GLRA2: variants seen among roughly 807,000 people sequenced by gnomAD.
The protein encoded by GLRA2 is glycine receptor alpha 2.
In GLRA2, 11 loss-of-function variants were observed where a neutral mutation model predicts 31.6. The observed-to-expected ratio is 0.35, with a 90% CI of 0.22 to 0.58. The LOEUF (loss-of-function observed/expected upper bound fraction) is 0.58. Ranked by LOEUF, GLRA2 falls within the 20% of genes least tolerant of loss-of-function variation. GLRA2 has a pLI of 0.84. For synonymous variants in GLRA2, 132 were observed against 134.0 expected (o/e 0.99, Z 0.10); for missense variants, 212 against 351.8 (o/e 0.60, Z 3.18).
At chrX:14,472,449 A>G in the GLRA2 span, among the ~76,000 whole-genome samples, 1 of 111,117 alleles carries the variant, frequency 9.0e-6, no homozygotes, top group Non-Finnish European at 1.9e-5. Flanking sequence ...GGTTGGCTGC[A>G]CATATCATCC....
intron 7 of GLRA2, among the ~76,000 whole-genome samples, chrX:14,616,745 A>G (rs2090458369): frequency 8.9e-6 from 1 of 112,115 alleles, no homozygotes; most frequent in Non-Finnish European, 1.9e-5. Context: ...AATTTAAACG[A>G]CTTTCCCAGT....
At chrX:14,718,946 T>G (rs2091828333) in intron 8 of GLRA2, among the ~76,000 whole-genome samples, 1 of 111,697 alleles carries the variant, frequency 9.0e-6, no homozygotes, top group Admixed American at 9.5e-5. Flanking sequence ...TAACTCTCAG[T>G]AGGAAGAGCT....
At chrX:14,726,976 C>T (rs569045662) in intron 8 of GLRA2, among the ~76,000 whole-genome samples, 3 of 110,749 alleles carry the variant, frequency 2.7e-5, no homozygotes, top group African/African-American at 1.0e-4. Context: ...TCTGCAGATA[C>T]GCAAAGGAAA....
chrX:14,478,094 G>C, the GLRA2 span, among the ~76,000 whole-genome samples: 1 of 111,029 alleles, frequency 9.0e-6, no homozygotes, highest in African/African-American at 3.3e-5. Flanking sequence ...ACCCAGAAGA[G>C]AGATACAGAA....
chrX:14,501,365 T>C, the GLRA2 span, among the ~76,000 whole-genome samples: 3 of 112,245 alleles, frequency 2.7e-5, no homozygotes, highest in Non-Finnish European at 5.6e-5. Flanking sequence ...CCATCTCCTA[T>C]TGTCTTATGC....
chrX:14,480,796 A>T, the GLRA2 span, among the ~76,000 whole-genome samples: 2 of 111,549 alleles, frequency 1.8e-5, no homozygotes, highest in Non-Finnish European at 3.8e-5. Context: ...GTAACGTGGT[A>T]TCTCCAGGTT....
intron 2 of GLRA2, among the ~76,000 whole-genome samples, chrX:14,545,760 G>T (rs192944032): frequency 9.0e-6 from 1 of 111,384 alleles, no homozygotes; most frequent in Non-Finnish European, 1.9e-5. Flanking sequence ...GGGACAGACG[G>T]TGTCATTAGA....
intron 4 of GLRA2, among the ~76,000 whole-genome samples, chrX:14,597,563 A>T (rs960576969): frequency 9.0e-6 from 1 of 111,075 alleles, no homozygotes; most frequent in Non-Finnish European, 1.9e-5. Flanking sequence ...GAGAGGCTGG[A>T]GGAGTTTTTA....
chrX:14,484,028 G>C, the GLRA2 span, among the ~76,000 whole-genome samples: 1 of 111,468 alleles, frequency 9.0e-6, no homozygotes, highest in Non-Finnish European at 1.9e-5. Flanking sequence ...GGTTCTCCTT[G>C]CTTCTCAGCC....
intron 7 of GLRA2, among the ~76,000 whole-genome samples, chrX:14,668,799 A>G (rs1216093216): frequency 1.8e-5 from 2 of 111,943 alleles, no homozygotes; most frequent in Non-Finnish European, 1.9e-5. Context: ...TGGAAATTCA[A>G]GATGAAATTT....
chrX:14,618,883 C>T (rs1437943724), intron 7 of GLRA2, among the ~76,000 whole-genome samples: 2 of 111,625 alleles, frequency 1.8e-5, no homozygotes, highest in African/African-American at 3.3e-5. Flanking sequence ...TTTCATTACA[C>T]GTGGTGCCTT....
chrX:14,711,847 C>T (rs2091714476), intron 8 of GLRA2, among the ~76,000 whole-genome samples: 1 of 112,320 alleles, frequency 8.9e-6, no homozygotes, highest in Non-Finnish European at 1.9e-5. Flanking sequence ...CATTGCTTCC[C>T]TATCCTTGGA....
At position 14,574,344 on chromosome X, in the gene GLRA2, A is replaced by G; in HGVS notation, c.214A>G (p.Asn72Asp). The G allele has an allele frequency of 8.3e-7, 1 of 1,197,795 alleles. No individual in the cohort carries two copies. The highest frequency in any genetic ancestry group is 1.1e-6 in the Non-Finnish European group (1 of 882,628). The change falls in exon 3 of 9, where the codon AAC (asparagine) becomes GAC (aspartate). Residue 72 changes from asparagine (N) to aspartate (D), a missense_variant. Around this residue, in one of 5 missense-constraint regions of GLRA2, gnomAD observed 110 missense variants for 232.6 expected, o/e 0.47. Coordinates refer to ENST00000218075, the MANE Select transcript of GLRA2 (RefSeq NM_002063.4). The part of the protein sequence containing the change: ...IRPNFKGPPV[N>D]VTCNIFINSF... The stretch of plus-strand genomic sequence containing the variant: ...ATTGCATTCTGCAGGTCCTCCAGTA[A>G]ACGTTACTTGCAATATTTTTATCAA...
chrX:14,511,912 G>A, the GLRA2 span, among the ~76,000 whole-genome samples: 2 of 111,756 alleles, frequency 1.8e-5, no homozygotes, highest in Non-Finnish European at 3.8e-5. Context: ...GTTAATTTGT[G>A]TAAGACTGCA....
chrX:14,557,216 C>T (rs1263880581), intron 2 of GLRA2, among the ~76,000 whole-genome samples: 3 of 100,340 alleles, frequency 3.0e-5, no homozygotes, highest in South Asian at 4.7e-4. Flanking sequence ...CCTGGGTTCA[C>T]GCCATTCTCC....
chrX:14,565,932 A>G (rs1289023421), intron 2 of GLRA2, among the ~76,000 whole-genome samples: 1 of 111,899 alleles, frequency 8.9e-6, no homozygotes, highest in Non-Finnish European at 1.9e-5. Context: ...AAGAAGAGCA[A>G]ACTAAACCCA....
At chrX:14,458,084 A>C in the GLRA2 span, among the ~76,000 whole-genome samples, 1 of 107,175 alleles carries the variant, frequency 9.3e-6, no homozygotes, top group Non-Finnish European at 1.9e-5. Flanking sequence ...ATGTGTTCTC[A>C]TTCTTCAATC....
At chrX:14,454,406 A>G in the GLRA2 span, among the ~76,000 whole-genome samples, 19 of 111,276 alleles carry the variant, frequency 1.7e-4, no homozygotes, top group African/African-American at 5.9e-4. Flanking sequence ...GGGAATCTAC[A>G]ATTATCTCAA....
chrX:14,521,925 C>T, the GLRA2 span, among the ~76,000 whole-genome samples: 1 of 112,017 alleles, frequency 8.9e-6, no homozygotes, highest in Admixed American at 9.5e-5. Flanking sequence ...AAGAGTCTTG[C>T]CTCTATGTTG....
Sources: gnomAD v4.1 joint callset for allele counts (sites outside exome capture counted in the v4.1 genomes callset) on GRCh38, gnomAD v4.1.1 for gene constraint, gnomAD v4.1.1 regional missense constraint, MANE v1.5 for transcripts, NCBI Gene and HGNC (gene_info 2026-07-23, HGNC 2026-07-21) for gene names.